Variants in SCN8A observed in about 807,000 individuals in gnomAD.
SCN8A encodes sodium channel protein type 8 subunit alpha.
SCN8A carries 30 observed loss-of-function variants against 184.1 expected under a neutral mutation model. The ratio of observed to expected loss-of-function variants is 0.16; its 90% CI spans 0.12 to 0.22. The LOEUF is 0.22. Ranked by LOEUF, SCN8A falls within the 10% of genes least tolerant of loss-of-function variation. The pLI is 1.00. For missense variants in SCN8A, 1,057 were observed against 2,498.9 expected, an observed-to-expected ratio of 0.42 and a Z score of 12.30; for synonymous variants, 852 against 907.0, an observed-to-expected ratio of 0.94 and a Z score of 1.09.
At chr12:51,629,768 G>A (rs542933909) in intron 1 of SCN8A, among the ~76,000 whole-genome samples, 2 of 152,178 alleles carry the variant, frequency 1.3e-5, no homozygotes, top group Non-Finnish European at 2.9e-5. Context: ...CTTGGGAGAG[G>A]GCTAAGAGGT....
intron 1 of SCN8A, among the ~76,000 whole-genome samples, chr12:51,659,404 T>C (rs565916100): frequency 1.2e-4 from 19 of 152,232 alleles, no homozygotes; most frequent in Non-Finnish European, 2.5e-4. Flanking sequence ...CATACATATG[T>C]ACAAAATAAG....
chr12:51,676,919 A>G (rs1941231442), intron 2 of SCN8A, among the ~76,000 whole-genome samples: 1 of 152,226 alleles, frequency 6.6e-6, no homozygotes, highest in Non-Finnish European at 1.5e-5. Context: ...CTCCTGGGCC[A>G]TGTGTTTCAC....
chr12:51,787,757 C>G (rs1938126299), intron 22 of SCN8A, among the ~76,000 whole-genome samples: 1 of 152,198 alleles, frequency 6.6e-6, no homozygotes, highest in African/African-American at 2.4e-5. Flanking sequence ...AGCTCTCAAC[C>G]TAACCTTACA....
At chr12:51,645,941 A>G (rs1243397067) in intron 1 of SCN8A, among the ~76,000 whole-genome samples, 1 of 83,274 alleles carries the variant, frequency 1.2e-5, no homozygotes, top group African/African-American at 4.4e-5. Flanking sequence ...ACACCCAAGA[A>G]TGATCAATTA....
chr12:51,801,116 A>G (rs1048592428), intron 26 of SCN8A, among the ~76,000 whole-genome samples: 4 of 139,578 alleles, frequency 2.9e-5, no homozygotes, highest in African/African-American at 8.0e-5. Context: ...TAGGAACACC[A>G]TGATTAATTA....
At chr12:51,600,922 C>T (rs1268392840) in intron 1 of SCN8A, among the ~76,000 whole-genome samples, 1 of 152,158 alleles carries the variant, frequency 6.6e-6, no homozygotes, top group African/African-American at 2.4e-5. Flanking sequence ...CAGAAGTCCC[C>T]ATGGTTTGCT....
intron 1 of SCN8A, among the ~76,000 whole-genome samples, chr12:51,616,785 G>A (rs1939848943): frequency 6.6e-6 from 1 of 151,926 alleles, no homozygotes; most frequent in Admixed American, 6.6e-5. Context: ...CAGGCATGGT[G>A]GTGCATACCT....
At chr12:51,604,014 C>T (rs1226235796) in intron 1 of SCN8A, among the ~76,000 whole-genome samples, 1 of 152,140 alleles carries the variant, frequency 6.6e-6, no homozygotes, top group South Asian at 2.1e-4. Flanking sequence ...TTCTCCCACT[C>T]TTTAGCTTAG....
intron 11 of SCN8A, among the ~76,000 whole-genome samples, chr12:51,720,308 A>G (rs1942032359): frequency 6.6e-6 from 1 of 150,720 alleles, no homozygotes; most frequent in Non-Finnish European, 1.5e-5. Context: ...CTTTGTAGGG[A>G]CATGGATGAG....
At chr12:51,682,156 A>G (rs996498574) in intron 2 of SCN8A, among the ~76,000 whole-genome samples, 1 of 152,184 alleles carries the variant, frequency 6.6e-6, no homozygotes, top group Non-Finnish European at 1.5e-5. Flanking sequence ...ATGCTAAACT[A>G]TCTTTGCATT....
At position 51,699,777 on chromosome 12, in the gene SCN8A, A is replaced by T. The variant is rs1296360211; in HGVS notation, c.914A>T (p.Tyr305Phe). ...NGTKGFDWEE[Y>F]INNKTNFYTV... is the part of the protein sequence containing the mutation. Reference sequence around the variant, plus strand: ...ACCAAAGGCTTTGATTGGGAAGAGTATATCAACAATAAAAGTAGGTGGCCT... The same window carrying T: ...ACCAAAGGCTTTGATTGGGAAGAGTTTATCAACAATAAAAGTAGGTGGCCT... The change falls in exon 7 of 27, where the codon TAT becomes TTT. Residue 305 changes from tyrosine to phenylalanine, a missense_variant. By Grantham distance (22) the Tyr-to-Phe change is conservative. This residue lies in a region of SCN8A where 26 missense variants were observed against 44.4 expected (regional missense o/e 0.59). Transcript: ENST00000627620. 2 of 1,612,856 alleles carry T rather than the reference A, an allele frequency of 1.2e-6. No homozygotes were observed. The highest frequency in any genetic ancestry group is 1.7e-6 in the Non-Finnish European group (2 of 1,179,322).
chr12:51,591,994 A>G (rs1269878976), intron 1 of SCN8A, among the ~76,000 whole-genome samples: 4 of 143,370 alleles, frequency 2.8e-5, no homozygotes, highest in Non-Finnish European at 6.0e-5. Context: ...TCGGCAGGCG[A>G]GGATTCCTGC....
At chr12:51,722,059 A>G in intron 12 of SCN8A, 151 bp downstream of exon 12, 1 of 1,217,562 alleles carries the variant, frequency 8.2e-7, no homozygotes, top group Non-Finnish European at 1.2e-6. Context: ...TCCTGTTAAC[A>G]CCCCAGCCAT....
intron 1 of SCN8A, among the ~76,000 whole-genome samples, chr12:51,597,245 A>C (rs923213761): frequency 6.6e-6 from 1 of 152,156 alleles, no homozygotes; most frequent in Admixed American, 6.6e-5. Context: ...GATTTGGATC[A>C]CTTTATATTC....
rs200201682 is a variant in SCN8A at position 51,721,098 on chromosome 12, TATATATATAA to T, written c.1636-447_1636-438del. Among the ~76,000 whole-genome samples, 1,111 of 111,452 alleles carry T rather than the reference TATATATATAA, an allele frequency of 1.0e-2. 27 individuals are homozygous for T. Among genetic ancestry groups the T allele is most frequent in the African/African-American group, 0.036 (1,026 of 28,184 alleles). 73.1% of individuals were successfully genotyped at this position (111,452 alleles called of 152,430 possible). ...AAAAAAAATTATATATATATATATA[TATATATATAA>T]TATTTATTTATTGTTATATATATAA... On this transcript the variant is annotated intron_variant, in intron 11 of 26. Transcript: ENST00000627620.
chr12:51,606,150 A>C (rs868580070), intron 1 of SCN8A, among the ~76,000 whole-genome samples: 2 of 152,216 alleles, frequency 1.3e-5, no homozygotes, highest in Non-Finnish European at 2.9e-5. Context: ...GTTCTTGGCC[A>C]TGAAATCCTT....
intron 1 of SCN8A, among the ~76,000 whole-genome samples, chr12:51,657,404 T>C (rs555347941): frequency 2.6e-5 from 4 of 152,302 alleles, no homozygotes; most frequent in Admixed American, 1.3e-4. Flanking sequence ...TTTTTACATA[T>C]ACGTTTTGGC....
intron 1 of SCN8A, among the ~76,000 whole-genome samples, chr12:51,639,500 GA>G (rs1940394540): frequency 6.6e-6 from 1 of 151,876 alleles, no homozygotes; most frequent in Non-Finnish European, 1.5e-5. Flanking sequence ...CTGTAGCCTC[GA>G]ACTCCCTGAC....
chr12:51,742,121 T>C (rs1942436591), intron 12 of SCN8A, among the ~76,000 whole-genome samples: 1 of 152,218 alleles, frequency 6.6e-6, no homozygotes, highest in Non-Finnish European at 1.5e-5. Flanking sequence ...TAACTTTTTG[T>C]TGTTTCTCTT....
Sources: gnomAD v4.1 joint callset for allele counts (sites outside exome capture counted in the v4.1 genomes callset) on GRCh38, gnomAD v4.1.1 for gene constraint, gnomAD v4.1.1 regional missense constraint, MANE v1.5 for transcripts, NCBI Gene and HGNC (gene_info 2026-07-23, HGNC 2026-07-21) for gene names.